The following ABCG1 variants were observed in gnomAD, a reference collection of about 807,000 sequenced individuals.
ABCG1 encodes ATP-binding cassette sub-family G member 1.
Under a neutral mutation model 69.2 loss-of-function variants are expected in ABCG1, and 29 were observed. That is an observed-to-expected ratio of 0.42 (90% CI 0.31 to 0.57). The LOEUF is 0.57. Among genes scored for constraint, ABCG1 ranks in the 20% least tolerant of loss-of-function variants. The probability of loss-of-function intolerance (pLI) is 0.15; values close to 1 mark genes in which losing one functional copy is unlikely to be tolerated. For synonymous variants in ABCG1, 370 were observed against 374.8 expected (o/e 0.99, Z 0.15); for missense variants, 718 against 898.1 (o/e 0.80, Z 2.56).
At position 42,251,291 on chromosome 21, in the gene ABCG1, G is replaced by A. The variant is rs17114581; in HGVS notation, c.287-19779G>A. Among the ~76,000 whole-genome samples, 1,093 of 152,246 alleles carry A rather than the reference G, an allele frequency of 7.2e-3. 14 individuals are homozygous for A. Among genetic ancestry groups the A allele is most frequent in the African/African-American group, 0.024 (1,017 of 41,528 alleles). ...GACCTGTATTCATGGAGGCCCAACCGGGTGGCAAATGCTTCACAGTCCTGA... is the reference window on the plus strand; with the variant it reads ...GACCTGTATTCATGGAGGCCCAACCAGGTGGCAAATGCTTCACAGTCCTGA... On this transcript the variant is annotated intron_variant, in intron 2 of 14. Coordinates refer to ENST00000398449, the MANE Select transcript of ABCG1 (RefSeq NM_016818.3).
At chr21:42,218,786 C>T (rs1161248610), upstream of ABCG1, among the ~76,000 whole-genome samples, 4 of 152,212 alleles carry the variant, frequency 2.6e-5, no homozygotes, top group Non-Finnish European at 4.4e-5. Flanking sequence ...CCCTGGACGC[C>T]CCCTCTTCGA....
At chr21:42,208,223 CTT>C (rs35946579) in intron 2 of ABCG1, among the ~76,000 whole-genome samples, 1,782 of 133,598 alleles carry the variant, frequency 0.013, 42 homozygotes, top group African/African-American at 0.046. Flanking sequence ...TTTGTTGGGA[CTT>C]TTTTTTTTTT....
chr21:42,252,277 C>T (rs1450213451), intron 2 of ABCG1, among the ~76,000 whole-genome samples: 1 of 152,194 alleles, frequency 6.6e-6, no homozygotes, highest in Non-Finnish European at 1.5e-5. Context: ...CTGTGCCTAC[C>T]ATTGTGCCTG....
Position 42,219,820 on chromosome 21 carries a change from G to A in ABCG1, c.42+516G>A, listed in dbSNP as rs1204312842. On this transcript the variant is annotated intron_variant, in intron 1 of 14. Coordinates refer to ENST00000398449, the MANE Select transcript of ABCG1 (RefSeq NM_016818.3). This position sits in a 1 kb window ranked among gnomAD's most constrained non-coding sequence, Gnocchi z 5.3. ...AGAGGAAGCTGCCCCCAGAGAGCCG[G>A]AGCCTGCGACTGCACTCCCGGGGAC... 1.4e-6 allele frequency: 2 copies of A among 1,455,470 alleles called. No individual in the cohort carries two copies. Among genetic ancestry groups the A allele is most frequent in the Non-Finnish European group, 1.8e-6 (2 of 1,107,716 alleles). 90.2% of individuals were successfully genotyped at this position (1,455,470 alleles called of 1,614,324 possible).
chr21:42,273,285 C>G lies in ABCG1; in HGVS notation c.405-18C>G. The G allele has an allele frequency of 6.2e-7, 1 of 1,607,866 alleles. No homozygotes were observed. The highest frequency in any genetic ancestry group is 8.5e-7 in the Non-Finnish European group (1 of 1,176,896). ...GCAGGAGCCCGGCTGACGGCTTCTC[C>G]TGTCCTTGGTTCTGCAGGGAGACGG... On this transcript the variant is annotated intron_variant, in intron 3 of 14. Transcript: ENST00000398449. The surrounding 1 kb of genome is among the most constrained non-coding windows in gnomAD (Gnocchi z 5.3).
chr21:42,268,388 T>TGTGTGCGC (rs57264459), intron 2 of ABCG1, among the ~76,000 whole-genome samples: 3,028 of 110,130 alleles, frequency 0.027, 118 homozygotes, highest in African/African-American at 0.084. Flanking sequence ...TGTGTGTGTG[T>TGTGTGCGC]GCGCGCGCGC....
chr21:42,282,295 C>T lies in ABCG1; in HGVS notation c.610C>T (p.Leu204=). ...REMVKEILTA[L]GLLSCANTRT... is the part of the protein sequence containing the mutation. ...CCAGGTCAAGGAGATACTGACAGCG[C>T]TGGGCTTGCTGTCTTGCGCCAACAC... Residue 204 remains leucine, a synonymous_variant, in exon 6 of 15, where the codon CTG becomes TTG. Transcript: ENST00000398449. 1 of 1,612,566 alleles carries T rather than the reference C, an allele frequency of 6.2e-7. No homozygotes were observed. The highest frequency in any genetic ancestry group is 8.5e-7 in the Non-Finnish European group (1 of 1,180,002).
upstream of ABCG1, among the ~76,000 whole-genome samples, chr21:42,211,984 C>T (rs1160485805): frequency 1.3e-5 from 2 of 152,190 alleles, no homozygotes; most frequent in African/African-American, 2.4e-5. Flanking sequence ...ATGGGATTGA[C>T]GAACTTATTA....
intron 2 of ABCG1, among the ~76,000 whole-genome samples, chr21:42,235,090 G>T (rs1409118280): frequency 6.6e-6 from 1 of 152,230 alleles, no homozygotes; most frequent in Admixed American, 6.5e-5. Flanking sequence ...GGCGCCCCGC[G>T]CGTGCTGGTG....
In ABCG1 at chr21:42,290,020, G is replaced by A. The variant is rs148852030; in HGVS notation, c.1225-30G>A. ...CTGAGCCGAGGACGGCTTTGCGAACGCACTGGGTAAGATGCGGGTCTGTCC... is the reference window on the plus strand; with the variant it reads ...CTGAGCCGAGGACGGCTTTGCGAACACACTGGGTAAGATGCGGGTCTGTCC... On this transcript the variant is annotated intron_variant, in intron 10 of 14. Transcript: ENST00000398449. The A allele has an allele frequency of 8.4e-4, 1,361 of 1,614,166 alleles. 13 individuals are homozygous for A. In the African/African-American group the frequency reaches 0.015, roughly 18 times the overall value.
At chr21:42,267,511 A>AGTTCTGTCTGGGTCTGGTCTGG (rs1240680357) in intron 2 of ABCG1, among the ~76,000 whole-genome samples, 290 of 54,686 alleles carry the variant, frequency 5.3e-3, no homozygotes, top group Non-Finnish European at 9.5e-3. Flanking sequence ...GTGTGGTCTG[A>AGTTCTGTCTGGGTCTGGTCTGG]GTTCTGTCTG....
In ABCG1 at chr21:42,282,354, G is replaced by T. The variant is rs2068827125; in HGVS notation, c.669G>T (p.Lys223Asn). 1.9e-6 allele frequency: 3 copies of T among 1,613,762 alleles called. No homozygotes were observed. Among genetic ancestry groups the T allele is most frequent in the Admixed American group, 3.3e-5 (2 of 60,004 alleles). The change falls in exon 6 of 15, where the codon AAG becomes AAT. Residue 223 changes from lysine (K) to asparagine (N), a missense_variant. Lys to Asn is a moderately conservative substitution (Grantham distance 94). Coordinates refer to ENST00000398449, the MANE Select transcript of ABCG1 (RefSeq NM_016818.3). ...RTGSLSGGQRKRLAIALELVN... is the reference protein window; with the variant it reads ...RTGSLSGGQRNRLAIALELVN... ...GGAGCCTGTCAGGTGGTCAGCGCAA[G>T]CGCCTGGCCATCGCGCTGGAGCTGG...
In ABCG1 at chr21:42,271,586, T is replaced by C. The variant is rs191094946; in HGVS notation, c.404+399T>C. Among the ~76,000 whole-genome samples the C allele has an allele frequency of 2.4e-4, 37 of 152,244 alleles. No homozygotes were observed. In the East Asian group the frequency reaches 7.1e-3, roughly 29 times the overall value. On this transcript the variant is annotated intron_variant, in intron 3 of 14. Transcript: ENST00000398449. ...GGCTGGGGCTTGTGATGGTCTTAGT[T>C]GTTTAGAAGTTTGAGCCGGGTGTGG...
Position 42,207,844 on chromosome 21 carries a change from G to A in ABCG1, c.48+6121G>A, listed in dbSNP as rs149297618. 3.3e-4 allele frequency among the ~76,000 whole-genome samples: 51 copies of A among 152,338 alleles called. 1 individual carries two copies. The highest frequency in any genetic ancestry group is 1.2e-3 in the South Asian group (6 of 4,832). On this transcript the variant is annotated intron_variant, in intron 2 of 15. Transcript: ENST00000398457. ...CACATGGTCTTCATGACATCACAGG[G>A]TGATGAGTATCCTTGTTACCCTGGG...
chr21:42,272,401 C>T (rs1198259960), intron 3 of ABCG1, among the ~76,000 whole-genome samples: 2 of 152,220 alleles, frequency 1.3e-5, no homozygotes, highest in Non-Finnish European at 2.9e-5. Flanking sequence ...CCAGGGGAAG[C>T]CAGTTGACCC....
chr21:42,228,461 T>C lies in ABCG1; in HGVS notation c.286+2547T>C, dbSNP rs897539751. On this transcript the variant is annotated intron_variant, in intron 2 of 14. Coordinates refer to ENST00000398449, the MANE Select transcript of ABCG1 (RefSeq NM_016818.3). ...CTCCTCCCCTGCCTGCCCCATCCTT[T>C]CCTTTGTTCCTGGTGCCTACAATTC... 2.6e-5 allele frequency among the ~76,000 whole-genome samples: 4 copies of C among 152,166 alleles called. No homozygotes were observed. In the South Asian group the frequency reaches 8.3e-4, roughly 31 times the overall value.
chr21:42,241,251 C>T (rs1267936452), intron 2 of ABCG1, among the ~76,000 whole-genome samples: 1 of 152,226 alleles, frequency 6.6e-6, no homozygotes, highest in African/African-American at 2.4e-5. Context: ...AGTGGAGATG[C>T]TTTTCTCCCC....
chr21:42,283,190 G>A lies in ABCG1; in HGVS notation c.734+771G>A, dbSNP rs934937044. ...CTCCAAAGTCCAGCGAGATTTGACA[G>A]TAGTGTGACAGCAGCCTTCTGAGGG... On this transcript the variant is annotated intron_variant, in intron 6 of 14. Transcript: ENST00000398449. Among the ~76,000 whole-genome samples the A allele has an allele frequency of 2.0e-5, 3 of 152,232 alleles. No individual in the cohort carries two copies. In the East Asian group the frequency reaches 5.8e-4, roughly 29 times the overall value.
intron 2 of ABCG1, among the ~76,000 whole-genome samples, chr21:42,239,568 T>C (rs907979129): frequency 6.6e-6 from 1 of 152,216 alleles, no homozygotes; most frequent in Non-Finnish European, 1.5e-5. Context: ...ATGAGCCTCA[T>C]TGCTGCCCTT....
Sources: gnomAD v4.1 joint callset for allele counts (sites outside exome capture counted in the v4.1 genomes callset) on GRCh38, gnomAD v4.1.1 for gene constraint, Gnocchi (gnomAD v3.1) non-coding constraint, MANE v1.5 for transcripts, NCBI Gene and HGNC (gene_info 2026-07-23, HGNC 2026-07-21) for gene names.